Variants in PHACTR1 observed in about 807,000 individuals in gnomAD.
PHACTR1 encodes RPEL repeat containing 1.
In PHACTR1, 16 loss-of-function variants were observed where a neutral mutation model predicts 69.2. That is an observed-to-expected ratio of 0.23 (90% confidence interval 0.16 to 0.35). The LOEUF is 0.35. Among genes scored for constraint, PHACTR1 ranks in the 10% least tolerant of loss-of-function variants. The pLI is 1.00. For missense variants in PHACTR1, 510 were observed against 734.7 expected, an observed-to-expected ratio of 0.69 and a Z score of 3.54; for synonymous variants, 312 against 284.5, an observed-to-expected ratio of 1.10 and a Z score of -0.97.
intron 4 of PHACTR1, among the ~76,000 whole-genome samples, chr6:13,031,655 C>T (rs1298880884): frequency 6.6e-6 from 1 of 152,210 alleles, no homozygotes; most frequent in East Asian, 1.9e-4. Context: ...TCTAGCAGGA[C>T]ACCTTTCCAG....
At chr6:12,967,768 T>A (rs1343216491) in intron 4 of PHACTR1, among the ~76,000 whole-genome samples, 1 of 152,246 alleles carries the variant, frequency 6.6e-6, no homozygotes, top group Non-Finnish European at 1.5e-5. Context: ...CTGGACGGAA[T>A]CAAGTCCAAA....
At chr6:13,044,754 A>G (rs761295289) in intron 4 of PHACTR1, among the ~76,000 whole-genome samples, 1 of 152,110 alleles carries the variant, frequency 6.6e-6, no homozygotes, top group Non-Finnish European at 1.5e-5. Context: ...TCCCCTATAC[A>G]CGATGGTTAG....
intron 4 of PHACTR1, among the ~76,000 whole-genome samples, chr6:12,845,339 T>C (rs544035328): frequency 6.6e-6 from 1 of 151,238 alleles, no homozygotes; most frequent in East Asian, 2.0e-4. Context: ...ACTCTCTCCT[T>C]TGCATTTCAG....
At chr6:13,262,406 A>G (rs537700379) in intron 10 of PHACTR1, among the ~76,000 whole-genome samples, 2 of 152,328 alleles carry the variant, frequency 1.3e-5, no homozygotes, top group Non-Finnish European at 2.9e-5. Context: ...CAGGAACTCA[A>G]AAATATGACT....
intron 4 of PHACTR1, among the ~76,000 whole-genome samples, chr6:12,828,043 C>G (rs1437861913): frequency 1.3e-5 from 2 of 152,106 alleles, no homozygotes; most frequent in Non-Finnish European, 2.9e-5. Context: ...TTAATCAGAG[C>G]TAGAATTACC....
At chr6:12,760,551 A>G (rs935558720) in intron 4 of PHACTR1, among the ~76,000 whole-genome samples, 1 of 152,178 alleles carries the variant, frequency 6.6e-6, no homozygotes, top group African/African-American at 2.4e-5. Context: ...AGGGAGAAGA[A>G]AAGAGGGAGG....
At chr6:13,128,613 A>AT in intron 5 of PHACTR1, among the ~76,000 whole-genome samples, 1 of 152,032 alleles carries the variant, frequency 6.6e-6, no homozygotes, top group South Asian at 2.1e-4. Flanking sequence ...AATGAAAAAA[A>AT]ATTTTAAATG....
intron 4 of PHACTR1, among the ~76,000 whole-genome samples, chr6:12,931,792 A>G (rs1463309336): frequency 6.6e-6 from 1 of 151,632 alleles, no homozygotes; most frequent in Non-Finnish European, 1.5e-5. Flanking sequence ...AATGTGTGCT[A>G]AGGAAAGGGC....
At chr6:12,746,487 G>C (rs775443406) in intron 3 of PHACTR1, among the ~76,000 whole-genome samples, 1 of 152,142 alleles carries the variant, frequency 6.6e-6, no homozygotes, top group Non-Finnish European at 1.5e-5. Context: ...GCAGTGAGTC[G>C]AGACTGCATC....
At chr6:13,087,000 CATA>C (rs1226302147) in intron 5 of PHACTR1, among the ~76,000 whole-genome samples, 2 of 151,844 alleles carry the variant, frequency 1.3e-5, no homozygotes, top group Non-Finnish European at 2.9e-5. Context: ...TTTGCATTTT[CATA>C]ATGACTAATG....
chr6:12,861,572 C>T (rs561063166), intron 4 of PHACTR1, among the ~76,000 whole-genome samples: 1 of 152,350 alleles, frequency 6.6e-6, no homozygotes, highest in African/African-American at 2.4e-5. Context: ...AGAAGAATAG[C>T]TCAATGAAAC....
At chr6:12,948,068 C>T (rs1790873673) in intron 4 of PHACTR1, among the ~76,000 whole-genome samples, 1 of 152,202 alleles carries the variant, frequency 6.6e-6, no homozygotes, top group Non-Finnish European at 1.5e-5. Flanking sequence ...CTTTCCATAT[C>T]CCTAAAGGAA....
At chr6:13,219,378 G>A (rs1356063547) in intron 8 of PHACTR1, among the ~76,000 whole-genome samples, 1 of 152,208 alleles carries the variant, frequency 6.6e-6, no homozygotes, top group African/African-American at 2.4e-5. Context: ...AATGTGTAAT[G>A]TGATGTCGGG....
intron 4 of PHACTR1, among the ~76,000 whole-genome samples, chr6:12,763,012 G>C (rs1336139580): frequency 6.6e-6 from 1 of 152,088 alleles, no homozygotes; most frequent in Non-Finnish European, 1.5e-5. Context: ...TTAGGAGTTC[G>C]AGACCAGCCT....
At chr6:12,900,323 A>G (rs1250735534) in intron 4 of PHACTR1, among the ~76,000 whole-genome samples, 2 of 150,494 alleles carry the variant, frequency 1.3e-5, no homozygotes, top group Non-Finnish European at 3.0e-5. Flanking sequence ...CTTGTGATTT[A>G]TTATTACTTT....
intron 10 of PHACTR1, among the ~76,000 whole-genome samples, chr6:13,259,754 G>A (rs1171386367): frequency 6.6e-6 from 1 of 152,112 alleles, no homozygotes; most frequent in East Asian, 1.9e-4. Context: ...GCCAGGATGC[G>A]GGCCTCAGGG....
chr6:13,150,268 G>A (rs1339503546), intron 5 of PHACTR1, among the ~76,000 whole-genome samples: 2 of 152,140 alleles, frequency 1.3e-5, no homozygotes, highest in Non-Finnish European at 2.9e-5. Context: ...CTTAAGCCTG[G>A]CAGGTGGAGT....
intron 4 of PHACTR1, among the ~76,000 whole-genome samples, chr6:12,810,636 C>G (rs1774914633): frequency 6.6e-6 from 1 of 152,142 alleles, no homozygotes; most frequent in Non-Finnish European, 1.5e-5. Flanking sequence ...GGCTCATGTT[C>G]CGGCATCCTC....
Position 13,278,453 on chromosome 6 carries a change from G to A in PHACTR1, c.1509+124G>A, listed in dbSNP as rs377449980. On this transcript the variant is annotated intron_variant, in intron 12 of 14. Transcript: ENST00000332995. The stretch of plus-strand genomic sequence containing the variant: ...TTCCTCTCCTCCTGTGTCAGAGAGT[G>A]CCACTCTCTTACTCTATAAGACCTC... 39 of 801,040 alleles carry A rather than the reference G, an allele frequency of 4.9e-5. No individual in the cohort carries two copies. In the African/African-American group the frequency reaches 6.6e-4, roughly 14 times the overall value. The allele number at this position is 801,040 out of a possible 1,614,324, so 49.6% of individuals were successfully genotyped here. A position where few individuals can be genotyped will look rare whatever the true frequency, so the allele number is the denominator to read the frequency against.
Sources: allele counts gnomAD v4.1 joint callset (sites outside exome capture counted in the v4.1 genomes callset), GRCh38; gene constraint gnomAD v4.1.1; transcripts MANE v1.5; gene names NCBI Gene and HGNC (gene_info 2026-07-23, HGNC 2026-07-21).